The following NRAP variants were observed in gnomAD, a reference collection of about 807,000 sequenced individuals.
NRAP encodes the protein nebulin-related-anchoring protein.
Under a neutral mutation model 225.9 loss-of-function variants are expected in NRAP, and 189 were observed. The ratio of observed to expected loss-of-function variants is 0.84; its 90% CI spans 0.74 to 0.94. The LOEUF (loss-of-function observed/expected upper bound fraction) is 0.94. Ranked by LOEUF, NRAP falls within the 40% of genes least tolerant of loss-of-function variation. NRAP has a pLI of 0.00. For missense variants in NRAP, 2,176 were observed against 2,168.7 expected (o/e 1.00, Z -0.07); for synonymous variants, 769 against 790.7 (o/e 0.97, Z 0.46).
Position 113,651,905 on chromosome 10 carries a change from C to G in NRAP, c.573G>C (p.Val191=), listed in dbSNP as rs117582231. The G allele has an allele frequency of 3.1e-6, 5 of 1,601,074 alleles. No homozygotes were observed. Among genetic ancestry groups the G allele is most frequent in the Non-Finnish European group, 4.3e-6 (5 of 1,168,332 alleles). The part of the protein sequence containing the change: ...AKKANQLASQ[V]EYKRGHDERI... ...GTTCATCATGCCCTCTCTTATACTCCACCTGATGAGAAGACAGTAGAGTCA... is the reference window on the plus strand; with the variant it reads ...GTTCATCATGCCCTCTCTTATACTCGACCTGATGAGAAGACAGTAGAGTCA... Residue 191 remains valine (V), a splice_region_variant and synonymous_variant, in exon 7 of 42, where the codon GTG becomes GTC. Coordinates refer to ENST00000359988, the MANE Select transcript of NRAP (RefSeq NM_198060.4).
chr10:113,617,697 TG>T, intron 25 of NRAP, 144 bp from the exon 26 acceptor site: 1 of 623,240 alleles, frequency 1.6e-6, no homozygotes, highest in Non-Finnish European at 2.9e-6. Flanking sequence ...ATATCCTAGG[TG>T]CCTTCAGGTT....
chr10:113,642,561 G>A (rs967946316), intron 12 of NRAP, among the ~76,000 whole-genome samples: 1 of 152,110 alleles, frequency 6.6e-6, no homozygotes, highest in East Asian at 1.9e-4. Flanking sequence ...GTGACTCTGA[G>A]GGTGAAATGA....
At chr10:113,592,146 C>T (rs1846028052) in intron 39 of NRAP, 48 bp downstream of exon 39, 2 of 1,234,580 alleles carry the variant, frequency 1.6e-6, no homozygotes, top group Admixed American at 3.9e-5. Flanking sequence ...CTGGGAAAAC[C>T]AGAGAAAAAC....
rs1326182455 is a variant in NRAP at position 113,629,768 on chromosome 10, G to A, written c.1860C>T (p.Gly620=). Residue 620 remains glycine, a synonymous_variant, in exon 19 of 42, where the codon GGC becomes GGT. Transcript: ENST00000359988. Reference sequence around the variant, plus strand: ...GAAACCGGGTCTTACTCTCTTCAAAGCCTTTCTTATATTCAACCTTGAATA... The same window carrying A: ...GAAACCGGGTCTTACTCTCTTCAAAACCTTTCTTATATTCAACCTTGAATA... ...KMSSEVEYKK[G]FEESKTRFHL... is the part of the protein sequence containing the mutation. 3.1e-6 allele frequency: 5 copies of A among 1,612,992 alleles called. No homozygotes were observed. In the East Asian group the frequency reaches 1.1e-4, roughly 36 times the overall value.
In NRAP at chr10:113,631,534, A is replaced by C. The variant is rs950510302; in HGVS notation, c.1817T>G (p.Leu606Arg). ...CTCACTGCTCATCTTAGCAATCTGC[A>C]GGGAGTGCAGAAGCCTAGAGTCGGC... ...GTADSRLLHS[L>R]QIAKMSSEVE... The change falls in exon 18 of 42, where the codon CTG (leucine) becomes CGG (arginine). Residue 606 changes from leucine to arginine, a missense_variant. Physicochemically the swap from Leu to Arg is moderately radical, Grantham distance 102. Around this residue, in one of 3 missense-constraint regions of NRAP, gnomAD observed 1,708 missense variants for 1,695.5 expected, o/e 1.01. Coordinates refer to ENST00000359988, the MANE Select transcript of NRAP (RefSeq NM_198060.4). 1.1e-5 allele frequency: 17 copies of C among 1,610,218 alleles called. No individual in the cohort carries two copies. The highest frequency in any genetic ancestry group is 6.7e-5 in the Admixed American group (4 of 59,454).
At chr10:113,590,198 G>A (rs567254515) in intron 40 of NRAP, among the ~76,000 whole-genome samples, 31 of 152,276 alleles carry the variant, frequency 2.0e-4, no homozygotes, top group African/African-American at 6.3e-4. Flanking sequence ...CATAGCCATC[G>A]AGAGCTTGGG....
intron 12 of NRAP, among the ~76,000 whole-genome samples, chr10:113,642,429 G>A (rs958673497): frequency 6.6e-6 from 1 of 151,964 alleles, no homozygotes; most frequent in African/African-American, 2.4e-5. Flanking sequence ...ATCTAGTATA[G>A]GTCTTTGATG....
At chr10:113,595,833 G>T (rs767938662) in intron 37 of NRAP, 106 bp from the exon 38 acceptor site, 6 of 722,560 alleles carry the variant, frequency 8.3e-6, no homozygotes, top group East Asian at 2.6e-5. Context: ...AGTGCCCACC[G>T]CATAGAACAG....
chr10:113,614,493 G>A (rs1164873670), intron 28 of NRAP, among the ~76,000 whole-genome samples, 197 bp from the exon 29 acceptor site: 1 of 152,216 alleles, frequency 6.6e-6, no homozygotes, highest in Admixed American at 6.5e-5. Flanking sequence ...GCTGTGAAAT[G>A]GCAGGATGCA....
At chr10:113,613,717 C>T (rs529278675) in intron 29 of NRAP, among the ~76,000 whole-genome samples, 3 of 152,264 alleles carry the variant, frequency 2.0e-5, no homozygotes, top group East Asian at 3.9e-4. Context: ...CTGCCTGGCC[C>T]ACTGCATGGA....
At chr10:113,618,129 A>C (rs1847777226) in intron 25 of NRAP, among the ~76,000 whole-genome samples, 1 of 151,076 alleles carries the variant, frequency 6.6e-6, no homozygotes, top group Non-Finnish European at 1.5e-5. Flanking sequence ...GTCATCACAC[A>C]GTTTGAAAGA....
Position 113,620,651 on chromosome 10 carries a change from A to G in NRAP, c.2827T>C (p.Ser943Pro). The G allele has an allele frequency of 6.2e-7, 1 of 1,612,932 alleles. No homozygotes were observed. The highest frequency in any genetic ancestry group is 8.5e-7 in the Non-Finnish European group (1 of 1,179,704). ...MKGMGWVATG[S>P]LNVEQAKKAG... ...TTCTTCGCCTGCTCCACATTTAATG[A>G]CCCGGTGGCGACCCAGCCCATGCCT... Residue 943 changes from serine to proline, a missense_variant, in exon 25 of 42, where the codon TCA (serine) becomes CCA (proline). Around this residue, in one of 3 missense-constraint regions of NRAP, gnomAD observed 1,708 missense variants for 1,695.5 expected, o/e 1.01. Coordinates refer to ENST00000359988, the MANE Select transcript of NRAP (RefSeq NM_198060.4).
At chr10:113,594,738 G>A (rs1018397477) in intron 38 of NRAP, among the ~76,000 whole-genome samples, 10 of 152,142 alleles carry the variant, frequency 6.6e-5, no homozygotes, top group South Asian at 2.1e-4. Context: ...CTTTACAAAC[G>A]CAACAAACTA....
chr10:113,640,626 G>GAAGA (rs71007436), intron 13 of NRAP, among the ~76,000 whole-genome samples: 12,579 of 152,172 alleles, frequency 0.083, 639 homozygotes, highest in South Asian at 0.18. Context: ...ATAGGCAATG[G>GAAGA]AAGAGCTCCT....
At position 113,604,911 on chromosome 10, in the gene NRAP, T is replaced by TGAA; in HGVS notation, c.3924_3925insTTC (p.Tyr1308_Arg1309insPhe). 6.2e-7 allele frequency: 1 copy of TGAA among 1,611,152 alleles called. No individual in the cohort carries two copies. The highest frequency in any genetic ancestry group is 1.1e-5 in the South Asian group (1 of 90,976). On this transcript the variant is annotated inframe_insertion, in exon 35 of 42. Coordinates refer to ENST00000359988, the MANE Select transcript of NRAP (RefSeq NM_198060.4). The stretch of plus-strand genomic sequence containing the variant: ...CCTCGCTCCTTCACAAAGTCATGTC[T>TGAA]GTAGAGAAACTGCAAGAAAGGGCTG...
intron 9 of NRAP, among the ~76,000 whole-genome samples, chr10:113,648,471 A>C (rs55917169): frequency 0.2 from 10,767 of 54,116 alleles, 428 homozygotes; most frequent in East Asian, 0.3. Flanking sequence ...CTCTCTCTAT[A>C]TATATATATA....
chr10:113,648,457 CTCTCTCTCTCTATATA>C (rs928820367), intron 9 of NRAP, among the ~76,000 whole-genome samples: 2 of 125,876 alleles, frequency 1.6e-5, no homozygotes, highest in African/African-American at 6.0e-5. Context: ...CTCTCTCTCT[CTCTCTCTCTCTATATA>C]TATATATATA....
intron 1 of NRAP, 74 bp from the exon 2 acceptor site, chr10:113,663,520 T>A: frequency 1.0e-6 from 1 of 954,770 alleles, no homozygotes; most frequent in Non-Finnish European, 1.6e-6. Flanking sequence ...TATTTTAGGG[T>A]AAAAAAATGA....
Position 113,590,486 on chromosome 10 carries a change from C to A in NRAP, c.4956+92G>T, listed in dbSNP as rs1564688806. The A allele has an allele frequency of 5.4e-6, 7 of 1,290,626 alleles. No individual in the cohort carries two copies. The East Asian group carries it at 1.4e-4, about 26-fold the overall frequency. 79.9% of individuals were successfully genotyped at this position (1,290,626 alleles called of 1,614,324 possible). On this transcript the variant is annotated intron_variant, in intron 40 of 41. Coordinates refer to ENST00000359988, the MANE Select transcript of NRAP (RefSeq NM_198060.4). ...GGATTCTCTCTCAGCCCAGCTCCCC[C>A]AGAAGCTAACAATGGAACGTGGCAT...
Sources: gnomAD v4.1 joint callset for allele counts (sites outside exome capture counted in the v4.1 genomes callset) on GRCh38, gnomAD v4.1.1 for gene constraint, gnomAD v4.1.1 regional missense constraint, MANE v1.5 for transcripts, NCBI Gene and HGNC (gene_info 2026-07-23, HGNC 2026-07-21) for gene names.